The following WDSUB1 variants were observed in gnomAD, a reference collection of about 807,000 sequenced individuals.
WDSUB1 encodes WD repeat, sterile alpha motif and U-box domain containing 1, also known as WD repeat, SAM and U-box domain-containing protein 1.
Under a neutral mutation model 53.9 loss-of-function variants are expected in WDSUB1, and 49 were observed. The observed-to-expected ratio is 0.91, with a 90% CI of 0.72 to 1.15. WDSUB1 has a LOEUF of 1.15. Among genes scored for constraint, WDSUB1 ranks in the 50% most tolerant of loss-of-function variants. WDSUB1 has a pLI of 0.00. For synonymous variants in WDSUB1, 194 were observed against 200.6 expected (o/e 0.97, Z 0.28); for missense variants, 514 against 562.0 (o/e 0.91, Z 0.86).
Position 159,279,924 on chromosome 2 carries a change from G to C in WDSUB1, c.420C>G (p.Gly140=), listed in dbSNP as rs2061618659. Residue 140 remains glycine, a synonymous_variant, in exon 3 of 11, where the codon GGC becomes GGG. Transcript: ENST00000359774. Reference sequence around the variant, plus strand: ...GAGAAAATGCACATGCCGCCAAGGAGCCATCTTTAACACTACCACATCTGA... The same window carrying C: ...GAGAAAATGCACATGCCGCCAAGGACCCATCTTTAACACTACCACATCTGA... ...KLYRCGSVKD[G]SLAACAFSPN... The C allele has an allele frequency of 5.0e-6, 8 of 1,611,740 alleles. No individual in the cohort carries two copies. Among genetic ancestry groups the C allele is most frequent in the Non-Finnish European group, 4.2e-6 (5 of 1,178,416 alleles).
At chr2:159,284,411 A>G (rs1261543271) in intron 1 of WDSUB1, among the ~76,000 whole-genome samples, 1 of 152,188 alleles carries the variant, frequency 6.6e-6, no homozygotes, top group East Asian at 1.9e-4. Flanking sequence ...ATTCTAATAA[A>G]CTATCTTAGC....
rs904061300 is a variant in WDSUB1, at chr2:159,286,681, G to C, written c.-123C>G. The C allele has an allele frequency of 2.0e-5, 3 of 152,462 alleles. No individual in the cohort carries two copies. The highest frequency in any genetic ancestry group is 2.9e-5 in the Non-Finnish European group (2 of 68,306). 9.4% of individuals were successfully genotyped at this position (152,462 alleles called of 1,614,324 possible). On this transcript the variant is annotated 5_prime_UTR_variant, in exon 1 of 11. Coordinates refer to ENST00000359774, the MANE Select transcript of WDSUB1 (RefSeq NM_001128212.3). ...GAGGCTGGCGGGGCGGGCGCCGGCG[G>C]AGACCCAGAGCAGAGGGAACAGGCC... is the stretch of plus-strand genomic sequence containing the variant.
At chr2:159,271,191 G>C (rs2061437645) in intron 5 of WDSUB1, among the ~76,000 whole-genome samples, 1 of 152,148 alleles carries the variant, frequency 6.6e-6, no homozygotes, top group East Asian at 1.9e-4. Context: ...ACTCAGCAAG[G>C]CCATTCCTAT....
chr2:159,281,421 C>T (rs949590604), intron 2 of WDSUB1, among the ~76,000 whole-genome samples: 4 of 152,108 alleles, frequency 2.6e-5, no homozygotes, highest in African/African-American at 9.7e-5. Flanking sequence ...ATGATAACTT[C>T]TGTTACGTAT....
At chr2:159,260,534 C>T (rs3796104) in intron 5 of WDSUB1, among the ~76,000 whole-genome samples, 12,582 of 152,076 alleles carry the variant, frequency 0.083, 1,158 homozygotes, top group African/African-American at 0.22. Context: ...ATTGATAAGG[C>T]GTGCCTTAAA....
At chr2:159,265,094 A>AC (rs1160356317) in intron 5 of WDSUB1, among the ~76,000 whole-genome samples, 1,572 of 145,712 alleles carry the variant, frequency 0.011, 36 homozygotes, top group African/African-American at 0.041. Context: ...CAAAAAAAAA[A>AC]AAAAATAAAA....
intron 9 of WDSUB1, among the ~76,000 whole-genome samples, chr2:159,254,440 G>T (rs967992592): frequency 2.6e-5 from 4 of 151,828 alleles, no homozygotes; most frequent in Non-Finnish European, 4.4e-5. Context: ...ACATGCCTGT[G>T]GTTCCAGCTA....
chr2:159,282,875 T>C lies in WDSUB1; in HGVS notation c.195A>G (p.Ser65=), dbSNP rs2061697641. Residue 65 remains serine, a synonymous_variant, in exon 2 of 11, where the codon TCA becomes TCG. Transcript: ENST00000359774. ...YAVHCCCFSP[S]GHILASCSTD... Reference sequence around the variant, plus strand: ...TTGAACACGATGCCAAAATATGTCCTGAAGGGGAGAAACAGCAGCAGTGGA... The same window carrying C: ...TTGAACACGATGCCAAAATATGTCCCGAAGGGGAGAAACAGCAGCAGTGGA... 6.2e-7 allele frequency: 1 copy of C among 1,614,140 alleles called. No individual in the cohort carries two copies. Among genetic ancestry groups the C allele is most frequent in the Admixed American group, 1.7e-5 (1 of 60,010 alleles).
intron 9 of WDSUB1, among the ~76,000 whole-genome samples, chr2:159,252,512 G>A (rs2060972673): frequency 6.6e-6 from 1 of 152,190 alleles, no homozygotes; most frequent in African/African-American, 2.4e-5. Flanking sequence ...GTAAGCACTG[G>A]AAGGGAGAGT....
At chr2:159,279,515 A>G (rs2061607237) in intron 3 of WDSUB1, among the ~76,000 whole-genome samples, 1 of 152,150 alleles carries the variant, frequency 6.6e-6, no homozygotes, top group African/African-American at 2.4e-5. Flanking sequence ...TGCATATAAT[A>G]AAGAATGTAA....
intron 2 of WDSUB1, among the ~76,000 whole-genome samples, chr2:159,280,507 C>T (rs1034271484): frequency 6.7e-6 from 1 of 150,152 alleles, no homozygotes; most frequent in Non-Finnish European, 1.5e-5. Context: ...CCGGCTAAAA[C>T]GGTGAAACCC....
At chr2:159,262,518 G>GA (rs11446787) in intron 5 of WDSUB1, among the ~76,000 whole-genome samples, 59,200 of 149,216 alleles carry the variant, frequency 0.4, 13,304 homozygotes, top group Non-Finnish European at 0.54. Flanking sequence ...TGAATCCATG[G>GA]AAAAAAAAAC....
rs1553457460 is a variant in WDSUB1 at position 159,265,315 on chromosome 2, A to ACACACT, written c.771-5473_771-5472insAGTGTG. Among the ~76,000 whole-genome samples the ACACACT allele has an allele frequency of 5.6e-4, 79 of 140,846 alleles. No homozygotes were observed. The Middle Eastern group carries it at 0.019, about 33-fold the overall frequency. The allele number at this position is 140,846 out of a possible 152,430, so 92.4% of individuals were successfully genotyped here. On this transcript the variant is annotated intron_variant, in intron 5 of 10. Transcript: ENST00000359774. ...ACACCACACACACACACACACACAC[A>ACACACT]CACTCACTCTCTCTCTTTTCTTCCT...
At chr2:159,265,064 A>G (rs2061308891) in intron 5 of WDSUB1, among the ~76,000 whole-genome samples, 1 of 150,672 alleles carries the variant, frequency 6.6e-6, no homozygotes, top group African/African-American at 2.5e-5. Flanking sequence ...AGACTGGGTA[A>G]CAAGAGCGAA....
chr2:159,259,924 T>C (rs1489881922), intron 5 of WDSUB1, 81 bp from the exon 6 acceptor site: 7 of 1,304,204 alleles, frequency 5.4e-6, no homozygotes, highest in Non-Finnish European at 4.1e-6. Flanking sequence ...TTTAAGTAAT[T>C]TTAGTAACTT....
rs2060938120 is a variant in WDSUB1, at chr2:159,250,961, TATAAC to T, written c.1133-2454_1133-2450del. ...GACATCTCATTTAAAGAGATAATTA[TATAAC>T]ATAATAAGAAAAGGAGGCTGGGTGT... is the stretch of plus-strand genomic sequence containing the variant. On this transcript the variant is annotated intron_variant, in intron 9 of 10. Transcript: ENST00000359774. Among the ~76,000 whole-genome samples, 3 of 151,954 alleles carry T rather than the reference TATAAC, an allele frequency of 2.0e-5. No homozygotes were observed. In the South Asian group the frequency reaches 6.2e-4, roughly 32 times the overall value.
chr2:159,280,708 A>AAAAAAAAAAAAAAAAAAC (rs111752652), intron 2 of WDSUB1, among the ~76,000 whole-genome samples: 25 of 134,350 alleles, frequency 1.9e-4, no homozygotes, highest in African/African-American at 7.1e-4. Context: ...AAAAAAAAAA[A>AAAAAAAAAAAAAAAAAAC]ATTACCCAGA....
At position 159,275,580 on chromosome 2, in the gene WDSUB1, G is replaced by C. The variant is rs1181525737; in HGVS notation, c.642C>G (p.Val214=). 6.2e-7 allele frequency: 1 copy of C among 1,605,784 alleles called. No homozygotes were observed. Among genetic ancestry groups the C allele is most frequent in the African/African-American group, 1.3e-5 (1 of 74,252 alleles). The part of the protein sequence containing the change: ...RLASCGQDCQ[V]KIWIVSFTHI... ...GGGTAAAAGAAACAATCCAAATTTTGACTTGGCAATCCTGACCACATGATG... is the reference window on the plus strand; with the variant it reads ...GGGTAAAAGAAACAATCCAAATTTTCACTTGGCAATCCTGACCACATGATG... The change falls in exon 4 of 11, where the codon GTC becomes GTG. Residue 214 remains valine, a synonymous_variant. Coordinates refer to ENST00000359774, the MANE Select transcript of WDSUB1 (RefSeq NM_001128212.3).
rs555469915 is a variant in WDSUB1 at position 159,236,099 on chromosome 2, C to A, written c.1365G>T (p.Ala455=). Reference sequence around the variant, plus strand: ...TCAGAGTCCTATTTGGTGTAAGTACCGCTGAAGGAAGAACAAGATTTGTCA... The same window carrying A: ...TCAGAGTCCTATTTGGTGTAAGTACAGCTGAAGGAAGAACAAGATTTGTCA... ...SPMTNLVLPS[A]VLTPNRTLKM... The change falls in exon 11 of 11, where the codon GCG becomes GCT. Residue 455 remains alanine, a synonymous_variant. Transcript: ENST00000359774. 2.2e-5 allele frequency: 35 copies of A among 1,613,710 alleles called. No homozygotes were observed. The African/African-American group carries it at 3.5e-4, about 16-fold the overall frequency.
Sources: allele counts gnomAD v4.1 joint callset (sites outside exome capture counted in the v4.1 genomes callset), GRCh38; gene constraint gnomAD v4.1.1; transcripts MANE v1.5; gene names NCBI Gene and HGNC (gene_info 2026-07-23, HGNC 2026-07-21).